Variants in CHCHD6 observed in about 807,000 individuals in gnomAD.
CHCHD6 encodes coiled-coil-helix-coiled-coil-helix domain containing 6.
A neutral mutation model predicts 32.3 loss-of-function variants in CHCHD6; 28 were observed. The observed-to-expected ratio is 0.87, with a 90% CI of 0.64 to 1.19. The LOEUF is 1.19. CHCHD6 is among the 50% of genes most tolerant of loss of function. CHCHD6 has a pLI of 0.00. For synonymous variants in CHCHD6, 122 were observed against 117.5 expected, an observed-to-expected ratio of 1.04 and a Z score of -0.25; for missense variants, 333 against 307.0, an observed-to-expected ratio of 1.08 and a Z score of -0.63.
At chr3:126,838,715 C>G (rs781429437) in intron 4 of CHCHD6, among the ~76,000 whole-genome samples, 2 of 152,076 alleles carry the variant, frequency 1.3e-5, no homozygotes, top group Non-Finnish European at 2.9e-5. Context: ...CACAGCAAAC[C>G]CTTATGGCAG....
intron 4 of CHCHD6, among the ~76,000 whole-genome samples, chr3:126,734,412 G>A (rs1316325575): frequency 6.6e-6 from 1 of 152,198 alleles, no homozygotes; most frequent in Admixed American, 6.5e-5. Flanking sequence ...TGTAGAAGGG[G>A]GTTGAACACG....
chr3:126,823,906 C>CAAAA (rs1424592450), intron 4 of CHCHD6, among the ~76,000 whole-genome samples: 3 of 149,636 alleles, frequency 2.0e-5, no homozygotes, highest in Non-Finnish European at 3.0e-5. Context: ...AAAACAAAAA[C>CAAAA]ACACACACAC....
chr3:126,748,134 C>T (rs1451632531), intron 4 of CHCHD6, among the ~76,000 whole-genome samples: 1 of 152,116 alleles, frequency 6.6e-6, no homozygotes, highest in Non-Finnish European at 1.5e-5. Flanking sequence ...TGTTACTTCC[C>T]CACTTTCTCC....
chr3:126,771,044 G>A (rs1937533204), intron 4 of CHCHD6, among the ~76,000 whole-genome samples: 1 of 151,982 alleles, frequency 6.6e-6, no homozygotes, highest in Non-Finnish European at 1.5e-5. Context: ...TTTCTTTCTG[G>A]TTTAGTCCTG....
intron 1 of CHCHD6, among the ~76,000 whole-genome samples, chr3:126,709,755 C>T (rs1161181641): frequency 1.2e-4 from 18 of 152,176 alleles, no homozygotes; most frequent in East Asian, 5.8e-4. Context: ...TGATGTTGAG[C>T]GTCTCTTCAT....
chr3:126,913,712 T>C (rs2078128969), intron 5 of CHCHD6, among the ~76,000 whole-genome samples: 1 of 152,362 alleles, frequency 6.6e-6, no homozygotes, highest in African/African-American at 2.4e-5. Flanking sequence ...CATGTCCACA[T>C]GTGGGCTTCA....
intron 4 of CHCHD6, among the ~76,000 whole-genome samples, chr3:126,807,795 A>T (rs1198031157): frequency 6.6e-6 from 1 of 152,222 alleles, no homozygotes; most frequent in Non-Finnish European, 1.5e-5. Context: ...CTGTATAACA[A>T]ATTACTCCAA....
intron 4 of CHCHD6, among the ~76,000 whole-genome samples, chr3:126,844,676 G>GC (rs1941230631): frequency 2.6e-5 from 4 of 152,122 alleles, no homozygotes; most frequent in Admixed American, 2.6e-4. Flanking sequence ...AAGAATAATG[G>GC]CCCCCCAAAG....
At chr3:126,793,902 C>G (rs1227561627) in intron 4 of CHCHD6, among the ~76,000 whole-genome samples, 1 of 152,140 alleles carries the variant, frequency 6.6e-6, no homozygotes, top group Non-Finnish European at 1.5e-5. Flanking sequence ...TGCTTTCCTT[C>G]AGATTGTGAA....
chr3:126,951,730 C>G (rs1485614284), intron 6 of CHCHD6, among the ~76,000 whole-genome samples: 1 of 152,196 alleles, frequency 6.6e-6, no homozygotes, highest in Non-Finnish European at 1.5e-5. Flanking sequence ...GCTGGGGACA[C>G]AGACCAACTT....
chr3:126,713,232 G>T (rs1213270145), intron 1 of CHCHD6, among the ~76,000 whole-genome samples: 1 of 152,152 alleles, frequency 6.6e-6, no homozygotes, highest in Non-Finnish European at 1.5e-5. Flanking sequence ...AATGCAGACA[G>T]TTAAAAAGGA....
chr3:126,881,678 C>T (rs928322868), intron 5 of CHCHD6, among the ~76,000 whole-genome samples: 1 of 152,088 alleles, frequency 6.6e-6, no homozygotes, highest in East Asian at 1.9e-4. Context: ...TCGAAGGAGT[C>T]GGCTGGAGTA....
At chr3:126,770,348 C>A (rs1046613758) in intron 4 of CHCHD6, among the ~76,000 whole-genome samples, 1 of 152,138 alleles carries the variant, frequency 6.6e-6, no homozygotes, top group African/African-American at 2.4e-5. Flanking sequence ...TTGCTCTGGC[C>A]AGGATTTCCA....
At chr3:126,801,014 A>G (rs186599113) in intron 4 of CHCHD6, among the ~76,000 whole-genome samples, 6 of 152,350 alleles carry the variant, frequency 3.9e-5, no homozygotes, top group African/African-American at 1.4e-4. Context: ...CTGTCAAGAG[A>G]TATTTGATAA....
chr3:126,807,967 T>G (rs1037782192), intron 4 of CHCHD6, among the ~76,000 whole-genome samples: 2 of 152,224 alleles, frequency 1.3e-5, no homozygotes, highest in African/African-American at 4.8e-5. Flanking sequence ...AAGCTTTATT[T>G]ACAAAAACAC....
chr3:126,921,559 C>G (rs2078247646), intron 6 of CHCHD6, among the ~76,000 whole-genome samples: 1 of 152,154 alleles, frequency 6.6e-6, no homozygotes, highest in Non-Finnish European at 1.5e-5. Flanking sequence ...TTCTCCTTGT[C>G]AGGAAACTTG....
intron 5 of CHCHD6, among the ~76,000 whole-genome samples, chr3:126,863,358 C>G (rs1300146157): frequency 1.6e-5 from 2 of 126,084 alleles, no homozygotes; most frequent in Non-Finnish European, 1.7e-5. Context: ...CCTCCTCTAC[C>G]ATCACCACCT....
At chr3:126,748,439 A>T (rs543031312) in intron 4 of CHCHD6, among the ~76,000 whole-genome samples, 1 of 152,200 alleles carries the variant, frequency 6.6e-6, no homozygotes, top group East Asian at 1.9e-4. Context: ...TACTAAAAAT[A>T]CAAAAATTAG....
chr3:126,902,020 C>A lies in CHCHD6; in HGVS notation c.496-12660C>A, dbSNP rs79397827. 6.8e-3 allele frequency among the ~76,000 whole-genome samples: 1,040 copies of A among 152,348 alleles called. 12 individuals are homozygous for A. The highest frequency in any genetic ancestry group is 0.024 in the African/African-American group (992 of 41,580). ...ACAGGAACGCGCAAGTTAAGTAATT[C>A]GTCCTAAGGCATAAAACTAGTGAGT... On this transcript the variant is annotated intron_variant, in intron 5 of 7. Transcript: ENST00000290913.
Sources: gnomAD v4.1 joint callset for allele counts (sites outside exome capture counted in the v4.1 genomes callset) on GRCh38, gnomAD v4.1.1 for gene constraint, MANE v1.5 for transcripts, NCBI Gene and HGNC (gene_info 2026-07-23, HGNC 2026-07-21) for gene names.